The following GHR variants were observed in gnomAD, a reference collection of about 807,000 sequenced individuals.
GHR encodes the protein growth hormone receptor, also known as GH receptor.
In GHR, 35 loss-of-function variants were observed where a neutral mutation model predicts 67.1. That is an observed-to-expected ratio of 0.52 (90% CI 0.40 to 0.69). GHR has a LOEUF of 0.69. GHR is among the 30% of genes least tolerant of loss of function. The pLI is 0.00. For synonymous variants in GHR, 272 were observed against 269.1 expected (o/e 1.01, Z -0.10); for missense variants, 792 against 764.6 (o/e 1.04, Z -0.42).
chr5:42,536,455 G>T (rs558604158), intron 1 of GHR, among the ~76,000 whole-genome samples: 1 of 151,966 alleles, frequency 6.6e-6, no homozygotes, highest in Non-Finnish European at 1.5e-5. Flanking sequence ...TGTTTATGTG[G>T]TGTATCACAT....
chr5:42,704,739 A>G (rs138691868), intron 6 of GHR, among the ~76,000 whole-genome samples: 98 of 151,968 alleles, frequency 6.4e-4, no homozygotes, highest in African/African-American at 2.3e-3. Flanking sequence ...TAGATTTTCT[A>G]TTTCTTCAAG....
chr5:42,691,741 T>C (rs1757432399), intron 4 of GHR, among the ~76,000 whole-genome samples: 1 of 152,216 alleles, frequency 6.6e-6, no homozygotes, highest in Non-Finnish European at 1.5e-5. Flanking sequence ...AGTTGTGTGT[T>C]TTGCCTGGCT....
Position 42,424,683 on chromosome 5 carries a change from A to G in GHR, c.-12+728A>G, listed in dbSNP as rs1335686088. 1 of 1,276,190 alleles carries G rather than the reference A, an allele frequency of 7.8e-7. No homozygotes were observed. Among genetic ancestry groups the G allele is most frequent in the Non-Finnish European group, 1.1e-6 (1 of 909,724 alleles). The allele number at this position is 1,276,190 out of a possible 1,614,324, so 79.1% of individuals were successfully genotyped here. The stretch of plus-strand genomic sequence containing the variant: ...AATCAACCAGGCTTAAAGTTTTGAC[A>G]GAACTGCCAGAGGCTGCGGGTCAAT... On this transcript the variant is annotated intron_variant, in intron 1 of 9. Coordinates refer to ENST00000230882, the MANE Select transcript of GHR (RefSeq NM_000163.5). The surrounding 1 kb of genome is among the most constrained non-coding windows in gnomAD (Gnocchi z 4.1).
intron 1 of GHR, among the ~76,000 whole-genome samples, chr5:42,469,894 T>C (rs1744920782): frequency 6.6e-6 from 1 of 151,936 alleles, no homozygotes; most frequent in African/African-American, 2.4e-5. Flanking sequence ...CTTAACGGAG[T>C]GGGGACAGGT....
chr5:42,685,658 T>C (rs1422825642), intron 3 of GHR, among the ~76,000 whole-genome samples: 1 of 152,210 alleles, frequency 6.6e-6, no homozygotes, highest in African/African-American at 2.4e-5. Context: ...AAATGGTATC[T>C]CATTGTGGTT....
At position 42,720,040 on chromosome 5, in the gene GHR, C is replaced by G. The variant is rs1758945416; in HGVS notation, c.*616C>G. The G allele has an allele frequency of 6.4e-6, 1 of 157,196 alleles. No individual in the cohort carries two copies. The highest frequency in any genetic ancestry group is 2.4e-5 in the African/African-American group (1 of 41,390). The allele number at this position is 157,196 out of a possible 1,614,324, so 9.7% of individuals were successfully genotyped here. ...CACTGTGTACTGCAGTTGGTATGAC[C>G]CCTCTAAGGAGTGTAGCAACTACAG... On this transcript the variant is annotated 3_prime_UTR_variant, in exon 10 of 10. Coordinates refer to ENST00000230882, the MANE Select transcript of GHR (RefSeq NM_000163.5).
chr5:42,460,260 C>T (rs1579738664), intron 1 of GHR, among the ~76,000 whole-genome samples: 1 of 152,152 alleles, frequency 6.6e-6, no homozygotes, highest in Non-Finnish European at 1.5e-5. Flanking sequence ...TTGTTTAAAT[C>T]ACCCAAACTG....
chr5:42,679,821 G>C (rs1326251796), intron 3 of GHR, among the ~76,000 whole-genome samples: 2 of 152,208 alleles, frequency 1.3e-5, no homozygotes, highest in African/African-American at 4.8e-5. Flanking sequence ...CATATAAAAT[G>C]TGTAGGACAG....
At chr5:42,650,090 G>A (rs1000303344) in intron 3 of GHR, among the ~76,000 whole-genome samples, 1 of 152,128 alleles carries the variant, frequency 6.6e-6, no homozygotes, top group Non-Finnish European at 1.5e-5. Context: ...ACCCAGGGAA[G>A]GGTCGTGGGT....
At chr5:42,594,431 C>T (rs1424340272) in intron 2 of GHR, among the ~76,000 whole-genome samples, 1 of 152,122 alleles carries the variant, frequency 6.6e-6, no homozygotes, top group Non-Finnish European at 1.5e-5. Context: ...CCCAAACCTT[C>T]CTATCACTTC....
chr5:42,424,748 A>G lies in GHR; in HGVS notation c.-12+793A>G. 1 of 902,122 alleles carries G rather than the reference A, an allele frequency of 1.1e-6. No individual in the cohort carries two copies. Among genetic ancestry groups the G allele is most frequent in the Middle Eastern group, 2.3e-4 (1 of 4,282 alleles). The allele number at this position is 902,122 out of a possible 1,614,324, so 55.9% of individuals were successfully genotyped here. A position where few individuals can be genotyped will look rare whatever the true frequency, so the allele number is the denominator to read the frequency against. On this transcript the variant is annotated intron_variant, in intron 1 of 9. Coordinates refer to ENST00000230882, the MANE Select transcript of GHR (RefSeq NM_000163.5). This position sits in a 1 kb window ranked among gnomAD's most constrained non-coding sequence, Gnocchi z 4.1. ...TCTAGGGAGAGGGCGCTGGCGGCGC[A>G]GAGGGTGCGGGGCAGGGCACTTGCG...
At chr5:42,715,421 C>T (rs999038577) in intron 8 of GHR, among the ~76,000 whole-genome samples, 1 of 152,148 alleles carries the variant, frequency 6.6e-6, no homozygotes, top group Admixed American at 6.5e-5. Flanking sequence ...TTTTCTGAGT[C>T]CACAATTCAT....
chr5:42,458,869 C>A (rs1464772783), intron 1 of GHR, among the ~76,000 whole-genome samples: 4 of 152,058 alleles, frequency 2.6e-5, no homozygotes, highest in African/African-American at 9.7e-5. Context: ...ATGTGGCCAA[C>A]AAGCATATGA....
At chr5:42,551,081 C>T (rs184431928) in intron 1 of GHR, among the ~76,000 whole-genome samples, 78 of 152,286 alleles carry the variant, frequency 5.1e-4, no homozygotes, top group Admixed American at 2.0e-3. Flanking sequence ...CCCTCCCGCA[C>T]GCATACATGT....
At chr5:42,708,683 G>C (rs989543227) in intron 6 of GHR, among the ~76,000 whole-genome samples, 2 of 152,082 alleles carry the variant, frequency 1.3e-5, no homozygotes, top group South Asian at 2.1e-4. Flanking sequence ...CATCAATTCA[G>C]TTACCATCAT....
intron 1 of GHR, among the ~76,000 whole-genome samples, chr5:42,430,190 T>C (rs564672525): frequency 1.3e-3 from 195 of 152,328 alleles, no homozygotes; most frequent in Non-Finnish European, 2.3e-3. Context: ...TGGAAGAAGA[T>C]AGCAAATCTG....
At chr5:42,632,291 G>C (rs950369163) in intron 3 of GHR, among the ~76,000 whole-genome samples, 4 of 152,042 alleles carry the variant, frequency 2.6e-5, no homozygotes, top group African/African-American at 9.7e-5. Context: ...ATATAAATCA[G>C]TCCTGCCCAC....
At chr5:42,711,156 A>C (rs1238558060) in intron 6 of GHR, 51 bp from the exon 7 acceptor site, 12 of 1,355,306 alleles carry the variant, frequency 8.9e-6, no homozygotes, top group East Asian at 4.6e-5. Flanking sequence ...TGTTCATTGC[A>C]TTGAGTTGTT....
intron 2 of GHR, among the ~76,000 whole-genome samples, chr5:42,595,172 A>G (rs2112609693): frequency 6.6e-6 from 1 of 152,314 alleles, no homozygotes; most frequent in East Asian, 1.9e-4. Context: ...GTATTTTGTT[A>G]CCCACCTTGG....
Sources: gnomAD v4.1 joint callset for allele counts (sites outside exome capture counted in the v4.1 genomes callset) on GRCh38, gnomAD v4.1.1 for gene constraint, Gnocchi (gnomAD v3.1) non-coding constraint, MANE v1.5 for transcripts, NCBI Gene and HGNC (gene_info 2026-07-23, HGNC 2026-07-21) for gene names.